AFF3: variants seen among roughly 807,000 people sequenced by gnomAD.
AFF3 encodes the protein AF4/FMR2 family member 3.
AFF3 carries 32 observed loss-of-function variants against 129.7 expected under a neutral mutation model. The ratio of observed to expected loss-of-function variants is 0.25; its 90% CI spans 0.19 to 0.33. AFF3 has a LOEUF of 0.33. Among genes scored for constraint, AFF3 ranks in the 10% least tolerant of loss-of-function variants. The pLI, the probability that AFF3 is intolerant of heterozygous loss-of-function variation, is 1.00. For synonymous variants in AFF3, 644 were observed against 635.4 expected (o/e 1.01, Z -0.20); for missense variants, 1,373 against 1,592.0 (o/e 0.86, Z 2.34).
intron 7 of AFF3, among the ~76,000 whole-genome samples, chr2:99,959,158 T>C (rs1359642036): frequency 2.0e-5 from 3 of 151,920 alleles, no homozygotes; most frequent in Non-Finnish European, 4.4e-5. Context: ...GACCAAATGC[T>C]CTTAGGGAAG....
intron 8 of AFF3, among the ~76,000 whole-genome samples, chr2:99,753,291 G>C (rs1681817048): frequency 1.5e-5 from 1 of 66,960 alleles, no homozygotes; most frequent in South Asian, 1.3e-3. Flanking sequence ...GTAGAGATGG[G>C]GTTTCACCAT....
chr2:99,975,439 A>G (rs141193329), intron 7 of AFF3, among the ~76,000 whole-genome samples: 2 of 152,348 alleles, frequency 1.3e-5, no homozygotes, highest in African/African-American at 4.8e-5. Context: ...TTTCAAATCT[A>G]TGGGTGCCAA....
At chr2:99,972,353 T>A (rs1401482516) in intron 7 of AFF3, among the ~76,000 whole-genome samples, 1 of 152,252 alleles carries the variant, frequency 6.6e-6, no homozygotes, top group Non-Finnish European at 1.5e-5. Flanking sequence ...TCACAGCTGC[T>A]ACAGTTGGTC....
At chr2:100,119,788 G>A (rs1198894368) in intron 2 of AFF3, among the ~76,000 whole-genome samples, 3 of 152,212 alleles carry the variant, frequency 2.0e-5, no homozygotes, top group Admixed American at 6.5e-5. Flanking sequence ...CATTCCCGGA[G>A]TCTGTGTGCT....
chr2:99,856,844 A>G (rs1690568294), intron 7 of AFF3, among the ~76,000 whole-genome samples: 1 of 152,044 alleles, frequency 6.6e-6, no homozygotes, highest in Non-Finnish European at 1.5e-5. Context: ...CTCTCAAAGG[A>G]TTTTGGAGAC....
intron 11 of AFF3, among the ~76,000 whole-genome samples, chr2:99,712,984 A>T (rs1388673764): frequency 6.6e-6 from 1 of 152,244 alleles, no homozygotes; most frequent in Non-Finnish European, 1.5e-5. Flanking sequence ...TAAGCCAGAC[A>T]CGCAAGGACA....
intron 4 of AFF3, among the ~76,000 whole-genome samples, chr2:100,040,080 G>A (rs1685296581): frequency 6.6e-6 from 1 of 152,162 alleles, no homozygotes. Flanking sequence ...GTAACAGCAT[G>A]TGCCATGCTT....
intron 7 of AFF3, among the ~76,000 whole-genome samples, chr2:99,890,031 G>A (rs559804015): frequency 6.6e-5 from 10 of 152,258 alleles, no homozygotes; most frequent in African/African-American, 1.7e-4. Context: ...GCCCTTTTGC[G>A]TGTGCACAGG....
At chr2:99,760,703 G>C (rs1558824350) in intron 8 of AFF3, among the ~76,000 whole-genome samples, 1 of 152,012 alleles carries the variant, frequency 6.6e-6, no homozygotes, top group Non-Finnish European at 1.5e-5. Flanking sequence ...CCACTTCCCA[G>C]ACCATATGTA....
At chr2:99,757,548 T>C (rs921379348) in intron 8 of AFF3, among the ~76,000 whole-genome samples, 1 of 152,178 alleles carries the variant, frequency 6.6e-6, no homozygotes, top group Non-Finnish European at 1.5e-5. Flanking sequence ...CCCTGAAAGG[T>C]AGGCTTTATT....
At chr2:99,622,442 C>T (rs1682114196) in intron 13 of AFF3, among the ~76,000 whole-genome samples, 2 of 151,906 alleles carry the variant, frequency 1.3e-5, no homozygotes, top group African/African-American at 4.8e-5. Flanking sequence ...GCAGGCTGAG[C>T]AAAGAGAGAG....
chr2:100,051,544 A>G (rs897592409), intron 4 of AFF3, among the ~76,000 whole-genome samples: 6 of 152,246 alleles, frequency 3.9e-5, no homozygotes, highest in Non-Finnish European at 5.9e-5. Context: ...GAACCTGATT[A>G]GACAGGAGCA....
intron 4 of AFF3, among the ~76,000 whole-genome samples, chr2:100,094,080 T>C (rs1483355776): frequency 6.6e-6 from 1 of 152,202 alleles, no homozygotes; most frequent in African/African-American, 2.4e-5. Context: ...GTATCCTCCT[T>C]TAAGGTGAAT....
chr2:99,600,137 T>C (rs58378377), intron 14 of AFF3, among the ~76,000 whole-genome samples: 5,605 of 152,144 alleles, frequency 0.037, 125 homozygotes, highest in East Asian at 0.049. Context: ...ATACAGAGAT[T>C]GATAGATGGA....
chr2:99,959,053 C>T (rs1291601832), intron 7 of AFF3, among the ~76,000 whole-genome samples: 1 of 151,766 alleles, frequency 6.6e-6, no homozygotes, highest in Non-Finnish European at 1.5e-5. Context: ...GCTGTGATTG[C>T]ACCACTGCAC....
rs1385607326 is a variant in AFF3, at chr2:100,104,677, G to A, written c.-64-159C>T. 4.2e-6 allele frequency: 4 copies of A among 948,640 alleles called. No individual in the cohort carries two copies. The African/African-American group carries it at 6.6e-5, about 16-fold the overall frequency. The allele number at this position is 948,640 out of a possible 1,614,324, so 58.8% of individuals were successfully genotyped here. A position where few individuals can be genotyped will look rare whatever the true frequency, so the allele number is the denominator to read the frequency against. The stretch of plus-strand genomic sequence containing the variant: ...CGGCCGGCGCACTCACCCGCTCCCC[G>A]GCTTGCGCGCAGGCACACTCAAGAG... On this transcript the variant is annotated intron_variant, in intron 3 of 24. Coordinates refer to ENST00000672756, the MANE Select transcript of AFF3 (RefSeq NM_001386135.1).
chr2:99,644,454 AG>A (rs1476630268), intron 13 of AFF3, among the ~76,000 whole-genome samples: 2 of 152,276 alleles, frequency 1.3e-5, no homozygotes, highest in African/African-American at 4.8e-5. Context: ...ATAAAACCCA[AG>A]TTACTGCAAA....
intron 9 of AFF3, among the ~76,000 whole-genome samples, chr2:99,746,345 T>C (rs1252311154): frequency 6.6e-6 from 1 of 152,108 alleles, no homozygotes; most frequent in African/African-American, 2.4e-5. Context: ...AAGGGTGTCA[T>C]TTGATGTGAC....
At chr2:99,559,800 C>T (rs1675300620) in intron 21 of AFF3, among the ~76,000 whole-genome samples, 6 of 152,286 alleles carry the variant, frequency 3.9e-5, no homozygotes, top group African/African-American at 1.4e-4. Context: ...GTGTCTGTTG[C>T]TGTTATTATT....
Sources: gnomAD v4.1 joint callset for allele counts (sites outside exome capture counted in the v4.1 genomes callset) on GRCh38, gnomAD v4.1.1 for gene constraint, MANE v1.5 for transcripts, NCBI Gene and HGNC (gene_info 2026-07-23, HGNC 2026-07-21) for gene names.